Variants in KCTD16 observed in about 807,000 individuals in gnomAD.
KCTD16 encodes BTB/POZ domain-containing protein KCTD16.
KCTD16 carries 13 observed loss-of-function variants against 33.2 expected under a neutral mutation model. That is an observed-to-expected ratio of 0.39 (90% confidence interval 0.25 to 0.62). The LOEUF is 0.62. Ranked by LOEUF, KCTD16 falls within the 20% of genes least tolerant of loss-of-function variation. The pLI is 0.50. For missense variants in KCTD16, 441 were observed against 525.1 expected (o/e 0.84, Z 1.57); for synonymous variants, 197 against 195.3 (o/e 1.01, Z -0.07).
chr5:144,172,820 A>T (rs1012680084), intron 1 of KCTD16, among the ~76,000 whole-genome samples: 1 of 152,226 alleles, frequency 6.6e-6, no homozygotes, highest in Non-Finnish European at 1.5e-5. Context: ...CATCAATAAG[A>T]TGCAATAATC....
intron 3 of KCTD16, among the ~76,000 whole-genome samples, chr5:144,249,916 C>T (rs1303665170): frequency 6.6e-6 from 1 of 152,114 alleles, no homozygotes; most frequent in Non-Finnish European, 1.5e-5. Context: ...TCAGAAGGAG[C>T]AGCATTTAAC....
chr5:144,451,467 G>A (rs931663093), intron 3 of KCTD16, among the ~76,000 whole-genome samples: 3 of 152,222 alleles, frequency 2.0e-5, no homozygotes, highest in Middle Eastern at 3.4e-3. Context: ...GAATGGCTAA[G>A]AAGAAGACAT....
At chr5:144,457,167 T>C (rs564793104) in intron 3 of KCTD16, among the ~76,000 whole-genome samples, 1 of 152,374 alleles carries the variant, frequency 6.6e-6, no homozygotes, top group Admixed American at 6.5e-5. Flanking sequence ...GTTTCATTTA[T>C]TTGCTCCCTC....
At chr5:144,198,820 T>C (rs1325126450) in intron 2 of KCTD16, among the ~76,000 whole-genome samples, 1 of 152,190 alleles carries the variant, frequency 6.6e-6, no homozygotes, top group East Asian at 1.9e-4. Flanking sequence ...CTTTACTTTC[T>C]CGTATTCCTC....
At chr5:144,220,210 C>T (rs1753699415) in intron 3 of KCTD16, among the ~76,000 whole-genome samples, 1 of 152,162 alleles carries the variant, frequency 6.6e-6, no homozygotes, top group Non-Finnish European at 1.5e-5. Context: ...CAGAGTCAGG[C>T]TTCAGTGGGT....
At position 144,220,768 on chromosome 5, in the gene KCTD16, C is replaced by A. The variant is rs1044321523; in HGVS notation, c.832+13222C>A. On this transcript the variant is annotated intron_variant, in intron 3 of 3. Transcript: ENST00000512467. ...CATCCTGGCTAACACGGTGAAACCC[C>A]GTCTCTACTAAAAATATAAAAAATT... 1.1e-4 allele frequency among the ~76,000 whole-genome samples: 17 copies of A among 152,054 alleles called. No individual in the cohort carries two copies. In the East Asian group the frequency reaches 3.3e-3, roughly 30 times the overall value.
intron 3 of KCTD16, among the ~76,000 whole-genome samples, chr5:144,452,063 C>G (rs1753954828): frequency 6.6e-6 from 1 of 151,254 alleles, no homozygotes; most frequent in Non-Finnish European, 1.5e-5. Context: ...TTAGCTGGTT[C>G]TAAATATTTT....
chr5:144,367,091 T>C (rs1481860550), intron 3 of KCTD16, among the ~76,000 whole-genome samples: 2 of 152,194 alleles, frequency 1.3e-5, no homozygotes, highest in African/African-American at 2.4e-5. Context: ...TTACCCACAT[T>C]CACACACACT....
At chr5:144,374,335 C>G (rs1012392562) in intron 3 of KCTD16, among the ~76,000 whole-genome samples, 1 of 151,094 alleles carries the variant, frequency 6.6e-6, no homozygotes, top group Non-Finnish European at 1.5e-5. Context: ...ATGCATTCTT[C>G]TAGGTACTCT....
rs147659466 is a variant in KCTD16, at chr5:144,201,999, C to T, written c.-326-4390C>T. Among the ~76,000 whole-genome samples, 12 of 152,230 alleles carry T rather than the reference C, an allele frequency of 7.9e-5. No homozygotes were observed. In the East Asian group the frequency reaches 2.3e-3, roughly 29 times the overall value. On this transcript the variant is annotated intron_variant, in intron 2 of 3. Coordinates refer to ENST00000512467, the MANE Select transcript of KCTD16 (RefSeq NM_020768.4). ...TAAAATAGTCCTTTTGAGAATATAC[C>T]CTTCAATATTTGGCTGTGCATGTGA...
chr5:144,394,962 C>T (rs754389159), intron 3 of KCTD16, among the ~76,000 whole-genome samples: 1 of 152,104 alleles, frequency 6.6e-6, no homozygotes, highest in Non-Finnish European at 1.5e-5. Flanking sequence ...AAGTTATAGC[C>T]GGAAACTAGT....
At chr5:144,256,261 G>C (rs1754844478) in intron 3 of KCTD16, among the ~76,000 whole-genome samples, 1 of 152,204 alleles carries the variant, frequency 6.6e-6, no homozygotes, top group South Asian at 2.1e-4. Flanking sequence ...TCTTTGTACG[G>C]ATATAAACAT....
rs1580826545 is a variant in KCTD16, at chr5:144,259,299, C to A, written c.832+51753C>A. On this transcript the variant is annotated intron_variant, in intron 3 of 3. Coordinates refer to ENST00000512467, the MANE Select transcript of KCTD16 (RefSeq NM_020768.4). ...AAAAAAAAAAAGGGATGAAGCATGT[C>A]CTTGGGAAAACAGTCAATGAATGAG... 7.6e-5 allele frequency among the ~76,000 whole-genome samples: 7 copies of A among 91,834 alleles called. 1 individual carries two copies. Among genetic ancestry groups the A allele is most frequent in the East Asian group, 3.1e-4 (1 of 3,268 alleles). The allele number at this position is 91,834 out of a possible 152,430, so 60.2% of individuals were successfully genotyped here.
At chr5:144,453,115 C>T (rs1330329110) in intron 3 of KCTD16, among the ~76,000 whole-genome samples, 1 of 152,140 alleles carries the variant, frequency 6.6e-6, no homozygotes, top group African/African-American at 2.4e-5. Context: ...GGGCCATGAT[C>T]TGTAACTAGA....
intron 2 of KCTD16, among the ~76,000 whole-genome samples, chr5:144,180,593 A>G (rs1752602572): frequency 6.6e-6 from 1 of 152,222 alleles, no homozygotes; most frequent in Admixed American, 6.5e-5. Flanking sequence ...TCTCTGTTCC[A>G]CACAACTTCA....
chr5:144,233,779 T>C (rs1037745522), intron 3 of KCTD16, among the ~76,000 whole-genome samples: 6 of 152,088 alleles, frequency 3.9e-5, no homozygotes, highest in Admixed American at 6.6e-5. Flanking sequence ...TAAGGCAGAG[T>C]TGCCCAGGTG....
intron 3 of KCTD16, among the ~76,000 whole-genome samples, chr5:144,320,050 A>G (rs1752033288): frequency 6.6e-6 from 1 of 152,150 alleles, no homozygotes; most frequent in Non-Finnish European, 1.5e-5. Flanking sequence ...TACCAGGTAC[A>G]ATGACCTATT....
intron 3 of KCTD16, among the ~76,000 whole-genome samples, chr5:144,222,538 A>G (rs1753791166): frequency 6.6e-6 from 1 of 152,244 alleles, no homozygotes; most frequent in Admixed American, 6.5e-5. Context: ...GACACATGAA[A>G]AAATGCTCAT....
In KCTD16 at chr5:144,250,908, A is replaced by G. The variant is rs75592811; in HGVS notation, c.832+43362A>G. Among the ~76,000 whole-genome samples the G allele has an allele frequency of 4.9e-3, 739 of 152,276 alleles. 12 individuals are homozygous for G. The highest frequency in any genetic ancestry group is 0.014 in the East Asian group (72 of 5,184). On this transcript the variant is annotated intron_variant, in intron 3 of 3. Transcript: ENST00000512467. ...ATTAACACAGTTTTTAGCATATGGT[A>G]ATTGAAAAATAAATGCCAACTTTTA...
Sources: gnomAD v4.1 joint callset for allele counts (sites outside exome capture counted in the v4.1 genomes callset) on GRCh38, gnomAD v4.1.1 for gene constraint, MANE v1.5 for transcripts, NCBI Gene and HGNC (gene_info 2026-07-23, HGNC 2026-07-21) for gene names.